Variants in CDK15 observed in about 807,000 individuals in gnomAD.
The protein encoded by CDK15 is cyclin dependent kinase 15, also known as cyclin-dependent kinase 15.
In CDK15, 62 loss-of-function variants were observed where a neutral mutation model predicts 60.3. The ratio of observed to expected loss-of-function variants is 1.03; its 90% CI spans 0.84 to 1.27. CDK15 has a LOEUF of 1.27. Among genes scored for constraint, CDK15 ranks in the 50% most tolerant of loss-of-function variants. The pLI, the probability that CDK15 is intolerant of heterozygous loss-of-function variation, is 0.00. For missense variants in CDK15, 541 were observed against 527.8 expected (o/e 1.03, Z -0.25); for synonymous variants, 194 against 195.7 (o/e 0.99, Z 0.07).
chr2:201,877,418 G>A (rs946899755), intron 11 of CDK15, among the ~76,000 whole-genome samples: 1 of 152,034 alleles, frequency 6.6e-6, no homozygotes, highest in Admixed American at 6.5e-5. Flanking sequence ...CCACCTACCC[G>A]CCCTCCCCAT....
chr2:201,878,090 A>T (rs1489113590), intron 11 of CDK15, among the ~76,000 whole-genome samples: 1 of 152,124 alleles, frequency 6.6e-6, no homozygotes, highest in Non-Finnish European at 1.5e-5. Flanking sequence ...TGGCCATACA[A>T]CTTAATTCTG....
At chr2:201,875,149 C>T (rs1379282910) in intron 11 of CDK15, among the ~76,000 whole-genome samples, 26 of 152,158 alleles carry the variant, frequency 1.7e-4, no homozygotes, top group Admixed American at 1.7e-3. Context: ...GTTTGTGTTT[C>T]TATTCTGGAC....
chr2:201,818,964 AAAAACAAAACAAAAC>A lies in CDK15; in HGVS notation c.449-3835_449-3821del, dbSNP rs145923828. Among the ~76,000 whole-genome samples, 723 of 151,826 alleles carry A rather than the reference AAAAACAAAACAAAAC, an allele frequency of 4.8e-3. 6 individuals are homozygous for A. Among genetic ancestry groups the A allele is most frequent in the Non-Finnish European group, 5.0e-3 (341 of 67,942 alleles). On this transcript the variant is annotated intron_variant, in intron 4 of 13. Transcript: ENST00000652192. ...CACTGAGTATATAGCAATAAGCAAA[AAAAACAAAACAAAAC>A]AAAACAAAAGTGCCCACTCTCAATG...
chr2:201,845,778 C>A (rs1697626576), intron 8 of CDK15, among the ~76,000 whole-genome samples: 1 of 147,472 alleles, frequency 6.8e-6, no homozygotes. Context: ...ACAAAAATGG[C>A]AAAATGATTA....
intron 9 of CDK15, among the ~76,000 whole-genome samples, chr2:201,847,772 A>G (rs1195563478): frequency 6.6e-6 from 1 of 152,148 alleles, no homozygotes; most frequent in Non-Finnish European, 1.5e-5. Flanking sequence ...ATTACTACTC[A>G]GACATGTCCC....
chr2:201,847,530 C>G (rs1016091924), intron 9 of CDK15, 56 bp downstream of exon 9: 1 of 1,479,748 alleles, frequency 6.8e-7, no homozygotes, highest in Middle Eastern at 1.7e-4. Flanking sequence ...AGTTTTGAAC[C>G]AAATTTGCCT....
Position 201,872,293 on chromosome 2 carries a change from C to T in CDK15, c.1025C>T (p.Pro342Leu), listed in dbSNP as rs201605804. 6.8e-6 allele frequency: 11 copies of T among 1,614,074 alleles called. No homozygotes were observed. In the Middle Eastern group the frequency reaches 8.3e-4, roughly 121 times the overall value. Reference protein sequence around the residue: ...PNYNPEWFPLPTPRSLHVVWN... With the variant: ...PNYNPEWFPLLTPRSLHVVWN... Reference sequence around the variant, plus strand: ...TGCTTCCCAGAATGGTTCCCACTGCCTACGCCTCGAAGCCTTCATGTTGTC... The same window carrying T: ...TGCTTCCCAGAATGGTTCCCACTGCTTACGCCTCGAAGCCTTCATGTTGTC... The change falls in exon 11 of 14, where the codon CCT becomes CTT. Residue 342 changes from proline (P) to leucine (L), a missense_variant. Physicochemically the swap from Pro to Leu is moderately conservative, Grantham distance 98. Transcript: ENST00000652192.
At chr2:201,841,406 T>C (rs1359248072) in intron 8 of CDK15, among the ~76,000 whole-genome samples, 2 of 152,224 alleles carry the variant, frequency 1.3e-5, no homozygotes, top group Non-Finnish European at 2.9e-5. Context: ...AATAGAACAA[T>C]ATGCATCTTC....
intron 10 of CDK15, among the ~76,000 whole-genome samples, chr2:201,863,428 T>G (rs559695309): frequency 6.6e-6 from 1 of 151,960 alleles, no homozygotes; most frequent in Non-Finnish European, 1.5e-5. Context: ...TAAAAAGAAA[T>G]AAAAGTTCCT....
chr2:201,850,704 G>T (rs1697870174), intron 9 of CDK15, among the ~76,000 whole-genome samples: 1 of 152,052 alleles, frequency 6.6e-6, no homozygotes, highest in Non-Finnish European at 1.5e-5. Context: ...AATATTTTGA[G>T]GAACCTCCAT....
chr2:201,876,247 A>G (rs888494316), intron 11 of CDK15, among the ~76,000 whole-genome samples: 4 of 152,258 alleles, frequency 2.6e-5, no homozygotes, highest in Admixed American at 1.3e-4. Context: ...GGTAACAAGC[A>G]AGGCCATAGG....
intron 8 of CDK15, 31 bp downstream of exon 8, chr2:201,835,794 T>C: frequency 6.8e-7 from 1 of 1,464,846 alleles, no homozygotes. Context: ...ATGTGAGTCA[T>C]CCTACTCACG....
intron 12 of CDK15, among the ~76,000 whole-genome samples, chr2:201,884,471 C>T (rs887583721): frequency 6.6e-6 from 1 of 152,116 alleles, no homozygotes; most frequent in Admixed American, 6.5e-5. Flanking sequence ...ATCTATACTC[C>T]GAAAGTTCTT....
intron 4 of CDK15, among the ~76,000 whole-genome samples, chr2:201,816,067 G>T (rs557241295): frequency 6.6e-6 from 1 of 152,140 alleles, no homozygotes; most frequent in Admixed American, 6.5e-5. Flanking sequence ...AATAAAAATA[G>T]AAATCTGTTT....
chr2:201,807,314 G>A (rs766950528), intron 1 of CDK15, among the ~76,000 whole-genome samples, 180 bp from the exon 2 acceptor site: 1 of 152,142 alleles, frequency 6.6e-6, no homozygotes, highest in African/African-American at 2.4e-5. Context: ...AGTATTTCAG[G>A]AGTTGATACC....
chr2:201,880,547 T>C (rs1465907333), intron 12 of CDK15, among the ~76,000 whole-genome samples: 1 of 152,242 alleles, frequency 6.6e-6, no homozygotes, highest in Non-Finnish European at 1.5e-5. Context: ...TCTCCCTTTC[T>C]GCGGAGAGTA....
intron 11 of CDK15, among the ~76,000 whole-genome samples, chr2:201,872,990 GA>G (rs1207940561): frequency 6.6e-6 from 1 of 152,182 alleles, no homozygotes; most frequent in Admixed American, 6.5e-5. Context: ...GAAAACATCA[GA>G]GACAGGGGAA....
chr2:201,870,521 C>CA (rs57674133), intron 10 of CDK15, among the ~76,000 whole-genome samples: 73,128 of 134,126 alleles, frequency 0.55, 20,785 homozygotes, highest in East Asian at 0.77. Flanking sequence ...CCAGCCTGGA[C>CA]AAAAAAAAAA....
chr2:201,817,235 A>G (rs558919183), intron 4 of CDK15, among the ~76,000 whole-genome samples: 3 of 152,284 alleles, frequency 2.0e-5, no homozygotes, highest in African/African-American at 7.2e-5. Flanking sequence ...ACTAATTAAC[A>G]TTCCCACCCA....
Sources: allele counts gnomAD v4.1 joint callset (sites outside exome capture counted in the v4.1 genomes callset), GRCh38; gene constraint gnomAD v4.1.1; transcripts MANE v1.5; gene names NCBI Gene and HGNC (gene_info 2026-07-23, HGNC 2026-07-21).